The following CHLSN variants were observed in gnomAD, a reference collection of about 807,000 sequenced individuals.
CHLSN encodes the protein cholesin.
chr7:1,137,735 G>C, the CHLSN span: 1 of 152,234 alleles, frequency 6.6e-6, no homozygotes, highest in African/African-American at 2.4e-5. Flanking sequence ...TTGAGCCCAG[G>C]AGGTGGAGGC....
At chr7:1,072,235 G>A in the CHLSN span, among the ~76,000 whole-genome samples, 3 of 152,190 alleles carry the variant, frequency 2.0e-5, no homozygotes, top group Admixed American at 6.5e-5. Flanking sequence ...ACCCGCCCAC[G>A]GTGCCTCTGC....
the CHLSN span, chr7:1,045,358 A>G: frequency 6.6e-6 from 1 of 152,308 alleles, no homozygotes; most frequent in Non-Finnish European, 1.5e-5. Context: ...TTCCCTGCCC[A>G]TGAAGATGTA....
the CHLSN span, among the ~76,000 whole-genome samples, chr7:1,082,762 C>T: frequency 9.8e-5 from 15 of 152,300 alleles, no homozygotes; most frequent in East Asian, 1.9e-4. Context: ...ACACAGAGAA[C>T]GCAGAGAACA....
the CHLSN span, among the ~76,000 whole-genome samples, chr7:1,048,087 C>T: frequency 2.6e-5 from 4 of 151,944 alleles, no homozygotes; most frequent in East Asian, 1.9e-4. Context: ...GGTGGGTTCC[C>T]GGGGGTACTG....
the CHLSN span, among the ~76,000 whole-genome samples, chr7:1,008,776 G>A: frequency 5.3e-3 from 801 of 151,784 alleles, 8 homozygotes; most frequent in African/African-American, 0.018. Context: ...AAACACACAC[G>A]CACACACGCA....
chr7:997,284 G>A, the CHLSN span: 1 of 244,888 alleles, frequency 4.1e-6, no homozygotes. Context: ...ATTCCCGGTA[G>A]AAAAATAGAC....
the CHLSN span, chr7:997,094 G>C: frequency 6.6e-6 from 1 of 152,594 alleles, no homozygotes; most frequent in South Asian, 2.1e-4. Flanking sequence ...TCCCACCAGG[G>C]GCTCCCCATG....
At chr7:1,136,504 A>G in the CHLSN span, among the ~76,000 whole-genome samples, 1 of 112,160 alleles carries the variant, frequency 8.9e-6, no homozygotes, top group Non-Finnish European at 1.7e-5. Context: ...ATATAAATAT[A>G]TATAAACATA....
the CHLSN span, chr7:1,091,788 GCCTGCGGCCCCCAA>G: frequency 7.6e-6 from 12 of 1,586,372 alleles, no homozygotes; most frequent in Non-Finnish European, 1.0e-5. Flanking sequence ...GCACCGCGCA[GCCTGCGGCCCCCAA>G]CACCACCTCC....
the CHLSN span, among the ~76,000 whole-genome samples, chr7:1,122,768 G>A: frequency 1.3e-5 from 2 of 152,188 alleles, no homozygotes; most frequent in Admixed American, 1.3e-4. Flanking sequence ...CCCGGGGAGG[G>A]CTTAGCTATG....
At chr7:1,136,483 CAT>C in the CHLSN span, among the ~76,000 whole-genome samples, 14 of 109,198 alleles carry the variant, frequency 1.3e-4, 1 homozygote, top group South Asian at 1.3e-3. Flanking sequence ...AATATATAAA[CAT>C]ATATAAACAT....
the CHLSN span, chr7:1,058,464 G>A: frequency 4.4e-5 from 34 of 780,254 alleles, no homozygotes; most frequent in Non-Finnish European, 7.2e-5. Context: ...GCTGCCCTGC[G>A]GGGACCGGCA....
the CHLSN span, chr7:1,021,606 A>G: frequency 3.1e-6 from 3 of 979,792 alleles, no homozygotes; most frequent in East Asian, 2.3e-4. Flanking sequence ...TGGATGGGAG[A>G]GGGACAATCT....
chr7:987,839 T>G, the CHLSN span, among the ~76,000 whole-genome samples: 1 of 150,684 alleles, frequency 6.6e-6, no homozygotes, highest in Non-Finnish European at 1.5e-5. Flanking sequence ...GGGTCCCCTC[T>G]GTATCCTGGG....
chr7:1,036,486 G>T, the CHLSN span, among the ~76,000 whole-genome samples: 1 of 151,602 alleles, frequency 6.6e-6, no homozygotes, highest in Non-Finnish European at 1.5e-5. Context: ...TGCTCGTGGT[G>T]TGGCCGTGTG....
At chr7:1,064,523 G>A in the CHLSN span, among the ~76,000 whole-genome samples, 6 of 152,242 alleles carry the variant, frequency 3.9e-5, no homozygotes, top group Non-Finnish European at 5.9e-5. Context: ...GCGCCTAAAC[G>A]CAACACCCTG....
At chr7:1,067,561 C>T in the CHLSN span, among the ~76,000 whole-genome samples, 19 of 83,460 alleles carry the variant, frequency 2.3e-4, no homozygotes, top group Admixed American at 3.7e-4. Flanking sequence ...CTGCAGTGCA[C>T]CCCAGAGGTG....
chr7:999,482 G>A, the CHLSN span, among the ~76,000 whole-genome samples: 1 of 152,240 alleles, frequency 6.6e-6, no homozygotes, highest in Non-Finnish European at 1.5e-5. Context: ...CTCTGAGGAG[G>A]GAGAGTGGCT....
chr7:1,126,489 G>A, the CHLSN span, among the ~76,000 whole-genome samples: 2 of 151,902 alleles, frequency 1.3e-5, no homozygotes, highest in Non-Finnish European at 2.9e-5. Context: ...AGACCAGCCT[G>A]GCCAACATGG....
Sources: allele counts gnomAD v4.1 joint callset (sites outside exome capture counted in the v4.1 genomes callset), GRCh38; gene constraint gnomAD v4.1.1; transcripts MANE v1.5; gene names NCBI Gene and HGNC (gene_info 2026-07-23, HGNC 2026-07-21).